Variants in GRM8 observed in about 807,000 individuals in gnomAD.
GRM8 encodes metabotropic glutamate receptor 8.
GRM8 carries 47 observed loss-of-function variants against 87.2 expected under a neutral mutation model. That is an observed-to-expected ratio of 0.54 (90% CI 0.43 to 0.69). The LOEUF (loss-of-function observed/expected upper bound fraction) is 0.69. Among genes scored for constraint, GRM8 ranks in the 30% least tolerant of loss-of-function variants. The pLI, the probability that GRM8 is intolerant of heterozygous loss-of-function variation, is 0.00. For synonymous variants in GRM8, 396 were observed against 404.5 expected (o/e 0.98, Z 0.25); for missense variants, 1,019 against 1,139.2 (o/e 0.89, Z 1.52).
intron 3 of GRM8, among the ~76,000 whole-genome samples, chr7:127,035,646 C>CTTTT: frequency 6.6e-6 from 1 of 152,316 alleles, no homozygotes; most frequent in East Asian, 1.9e-4. Flanking sequence ...GCATCAGACT[C>CTTTT]CACATAGTGT....
intron 3 of GRM8, among the ~76,000 whole-genome samples, chr7:126,972,493 ATCACCTTT>A (rs1344602769): frequency 1.3e-5 from 2 of 151,806 alleles, no homozygotes; most frequent in Non-Finnish European, 2.9e-5. Flanking sequence ...CTTAATGTCA[ATCACCTTT>A]TTTTTTTAAC....
chr7:126,775,976 C>G (rs1203535063), intron 6 of GRM8, among the ~76,000 whole-genome samples: 3 of 152,132 alleles, frequency 2.0e-5, no homozygotes, highest in African/African-American at 7.2e-5. Flanking sequence ...TGTTCACTCT[C>G]TTCATTCCTT....
chr7:126,853,301 A>G (rs1363136916), intron 6 of GRM8, among the ~76,000 whole-genome samples: 1 of 152,154 alleles, frequency 6.6e-6, no homozygotes, highest in East Asian at 1.9e-4. Flanking sequence ...ATAACAGATG[A>G]TGGAGGTCGC....
intron 2 of GRM8, chr7:127,229,851 C>T (rs969718057): frequency 3.9e-5 from 6 of 152,024 alleles, no homozygotes; most frequent in Non-Finnish European, 5.9e-5. Flanking sequence ...GGAAAAGAAC[C>T]GTGAGCCCCT....
At chr7:127,214,309 TG>T (rs1796389840) in intron 2 of GRM8, among the ~76,000 whole-genome samples, 1 of 152,240 alleles carries the variant, frequency 6.6e-6, no homozygotes, top group Non-Finnish European at 1.5e-5. Flanking sequence ...ATCTGAATAC[TG>T]GTTACATAGT....
At chr7:127,233,106 A>C (rs1405128887) in intron 2 of GRM8, among the ~76,000 whole-genome samples, 1 of 152,196 alleles carries the variant, frequency 6.6e-6, no homozygotes, top group Non-Finnish European at 1.5e-5. Flanking sequence ...CTGAGATTAC[A>C]GGTGTGAGCC....
At chr7:126,877,831 T>C (rs1250962460) in intron 6 of GRM8, among the ~76,000 whole-genome samples, 1 of 152,238 alleles carries the variant, frequency 6.6e-6, no homozygotes, top group Non-Finnish European at 1.5e-5. Flanking sequence ...ATCAGAGATA[T>C]AATCTTTGAA....
intron 7 of GRM8, among the ~76,000 whole-genome samples, chr7:126,649,452 A>T (rs1803539501): frequency 6.6e-6 from 1 of 152,162 alleles, no homozygotes. Context: ...TGGGACTCAG[A>T]CTGGCTTCCT....
intron 2 of GRM8, among the ~76,000 whole-genome samples, chr7:127,162,560 T>C (rs1253394746): frequency 3.3e-5 from 5 of 152,172 alleles, no homozygotes; most frequent in African/African-American, 1.2e-4. Context: ...CTCTTTTTGC[T>C]AGACTAACCA....
intron 7 of GRM8, among the ~76,000 whole-genome samples, chr7:126,768,137 A>AAAAAAAT (rs1330871375): frequency 1.3e-5 from 2 of 152,040 alleles, no homozygotes; most frequent in East Asian, 3.9e-4. Context: ...TATATTAGGG[A>AAAAAAAT]AATGTCCACT....
chr7:126,802,533 C>A (rs901060302), intron 6 of GRM8, among the ~76,000 whole-genome samples: 8 of 151,846 alleles, frequency 5.3e-5, no homozygotes, highest in Non-Finnish European at 1.2e-4. Context: ...GATATTCAGC[C>A]TTAAAAAAAA....
chr7:127,098,936 A>G (rs550775283), intron 3 of GRM8, among the ~76,000 whole-genome samples: 1 of 152,330 alleles, frequency 6.6e-6, no homozygotes, highest in Admixed American at 6.5e-5. Context: ...CAAATCTACA[A>G]TGAAAAGATA....
At chr7:126,722,997 A>T (rs934617049) in intron 7 of GRM8, among the ~76,000 whole-genome samples, 1 of 143,672 alleles carries the variant, frequency 7.0e-6, no homozygotes, top group African/African-American at 2.6e-5. Context: ...TATATAATTT[A>T]TATATATAAT....
chr7:126,930,992 T>A (rs572113428), intron 3 of GRM8, among the ~76,000 whole-genome samples: 1 of 152,156 alleles, frequency 6.6e-6, no homozygotes, highest in Non-Finnish European at 1.5e-5. Flanking sequence ...GATGGAGAGA[T>A]ACTTTTGAAG....
At chr7:126,610,567 A>C (rs1194211197) in intron 7 of GRM8, among the ~76,000 whole-genome samples, 2 of 152,188 alleles carry the variant, frequency 1.3e-5, no homozygotes, top group Non-Finnish European at 2.9e-5. Context: ...ACTAATAGTT[A>C]TATACGTCAA....
intron 7 of GRM8, among the ~76,000 whole-genome samples, chr7:126,716,866 G>T (rs1811802565): frequency 6.6e-6 from 1 of 152,134 alleles, no homozygotes. Flanking sequence ...TGAGTGGAGG[G>T]GTTATTCTCT....
At chr7:127,149,085 A>T (rs1828706146) in intron 2 of GRM8, among the ~76,000 whole-genome samples, 1 of 152,078 alleles carries the variant, frequency 6.6e-6, no homozygotes, top group Non-Finnish European at 1.5e-5. Context: ...AGACTACATC[A>T]AACTAAAAAG....
At chr7:126,669,850 G>C (rs1176016407) in intron 7 of GRM8, among the ~76,000 whole-genome samples, 1 of 152,142 alleles carries the variant, frequency 6.6e-6, no homozygotes, top group African/African-American at 2.4e-5. Context: ...ATAAATTTTT[G>C]CCTAGGGTTA....
chr7:127,236,786 T>C (rs1232935114), intron 2 of GRM8, among the ~76,000 whole-genome samples: 2 of 152,196 alleles, frequency 1.3e-5, no homozygotes, highest in East Asian at 3.8e-4. Context: ...GAGATTGGGA[T>C]GAGGGAGAGA....
Sources: gnomAD v4.1 joint callset for allele counts (sites outside exome capture counted in the v4.1 genomes callset) on GRCh38, gnomAD v4.1.1 for gene constraint, MANE v1.5 for transcripts, NCBI Gene and HGNC (gene_info 2026-07-23, HGNC 2026-07-21) for gene names.